NRG1: variants seen among roughly 807,000 people sequenced by gnomAD.
The protein encoded by NRG1 is neuregulin 1.
In NRG1, 18 loss-of-function variants were observed where a neutral mutation model predicts 63.8. The observed-to-expected ratio is 0.28, with a 90% CI of 0.19 to 0.42. NRG1 has a LOEUF of 0.42. NRG1 is among the 10% of genes least tolerant of loss of function. The probability of loss-of-function intolerance (pLI) is 1.00; values close to 1 mark genes in which losing one functional copy is unlikely to be tolerated. For synonymous variants in NRG1, 302 were observed against 301.3 expected, an observed-to-expected ratio of 1.00 and a Z score of -0.02; for missense variants, 762 against 814.7, an observed-to-expected ratio of 0.94 and a Z score of 0.79.
At chr8:32,728,102 C>T (rs1358911713) in intron 6 of NRG1, 24 bp downstream of exon 6, 5 of 1,613,250 alleles carry the variant, frequency 3.1e-6, no homozygotes, top group Non-Finnish European at 4.2e-6. Flanking sequence ...TCCTGTGTGT[C>T]GCTTATGTCT....
At chr8:31,684,781 A>C (rs114702227) in intron 1 of NRG1, among the ~76,000 whole-genome samples, 61 of 152,270 alleles carry the variant, frequency 4.0e-4, no homozygotes, top group African/African-American at 1.4e-3. Context: ...ATTTATTTTA[A>C]AGTTTGTTAG....
chr8:31,906,129 T>G (rs1306126078), intron 1 of NRG1, among the ~76,000 whole-genome samples: 1 of 152,212 alleles, frequency 6.6e-6, no homozygotes, highest in African/African-American at 2.4e-5. Flanking sequence ...AGGTCTCCCA[T>G]GTGACTGTCA....
chr8:32,757,797 A>G (rs955251084), intron 9 of NRG1, among the ~76,000 whole-genome samples: 2 of 152,112 alleles, frequency 1.3e-5, no homozygotes, highest in African/African-American at 2.4e-5. Context: ...TACTTCAGAG[A>G]CTCCTTGTGA....
intron 1 of NRG1, among the ~76,000 whole-genome samples, chr8:32,489,496 TG>T (rs1826293395): frequency 6.6e-6 from 1 of 152,140 alleles, no homozygotes; most frequent in African/African-American, 2.4e-5. Context: ...CTGACATTCC[TG>T]GTTAGGGCGG....
chr8:32,253,004 A>T (rs565459440), intron 1 of NRG1, among the ~76,000 whole-genome samples: 147 of 152,128 alleles, frequency 9.7e-4, no homozygotes, highest in South Asian at 9.1e-3. Flanking sequence ...TTTTTCTATT[A>T]TTGATGTATA....
intron 1 of NRG1, among the ~76,000 whole-genome samples, chr8:32,406,781 A>G (rs896641904): frequency 6.6e-6 from 1 of 151,962 alleles, no homozygotes; most frequent in African/African-American, 2.4e-5. Context: ...TTGCCTTGCT[A>G]GTGATAAGTA....
At chr8:32,174,990 C>T (rs560299508) in intron 1 of NRG1, among the ~76,000 whole-genome samples, 26 of 152,156 alleles carry the variant, frequency 1.7e-4, no homozygotes, top group Non-Finnish European at 3.1e-4. Flanking sequence ...ATGAGGCCAG[C>T]ACCATCCTGA....
intron 1 of NRG1, among the ~76,000 whole-genome samples, chr8:31,800,242 C>T (rs1176140581): frequency 6.6e-6 from 1 of 152,112 alleles, no homozygotes; most frequent in African/African-American, 2.4e-5. Context: ...GGAAAATATT[C>T]TAATATCCAC....
At chr8:32,727,335 A>G (rs1479811656) in intron 5 of NRG1, among the ~76,000 whole-genome samples, 1 of 152,212 alleles carries the variant, frequency 6.6e-6, no homozygotes, top group African/African-American at 2.4e-5. Flanking sequence ...TTGGACATTC[A>G]ACCATGTTCC....
At chr8:32,164,386 A>G (rs1179850448) in intron 1 of NRG1, among the ~76,000 whole-genome samples, 2 of 152,182 alleles carry the variant, frequency 1.3e-5, no homozygotes, top group Non-Finnish European at 2.9e-5. Context: ...ACACCAGCCA[A>G]TAGCTGCCTC....
chr8:31,854,197 C>T (rs963180383), intron 1 of NRG1, among the ~76,000 whole-genome samples: 11 of 151,484 alleles, frequency 7.3e-5, no homozygotes, highest in Non-Finnish European at 1.2e-4. Flanking sequence ...GTACCAGTTC[C>T]TCCTTGTACC....
At chr8:32,531,775 C>T (rs1356103627) in intron 1 of NRG1, among the ~76,000 whole-genome samples, 2 of 152,148 alleles carry the variant, frequency 1.3e-5, no homozygotes, top group Non-Finnish European at 2.9e-5. Flanking sequence ...AATAATACTT[C>T]TACCTCATAG....
chr8:32,197,941 G>T (rs1476623108), intron 1 of NRG1, among the ~76,000 whole-genome samples: 1 of 152,024 alleles, frequency 6.6e-6, no homozygotes. Flanking sequence ...CTGTACTCTA[G>T]ATCACTAAGC....
At chr8:32,024,004 T>C (rs1299407755) in intron 1 of NRG1, among the ~76,000 whole-genome samples, 2 of 152,136 alleles carry the variant, frequency 1.3e-5, no homozygotes, top group Admixed American at 1.3e-4. Context: ...CACTTAACAT[T>C]ATGCGGCCAA....
intron 1 of NRG1, among the ~76,000 whole-genome samples, chr8:31,899,772 A>C (rs1831920483): frequency 6.6e-6 from 1 of 152,206 alleles, no homozygotes; most frequent in Non-Finnish European, 1.5e-5. Context: ...ACACATACAC[A>C]CACTCAATAA....
chr8:31,646,874 G>A (rs1198452051), intron 1 of NRG1, among the ~76,000 whole-genome samples: 2 of 152,328 alleles, frequency 1.3e-5, no homozygotes, highest in South Asian at 2.1e-4. Flanking sequence ...CCCATCCAGA[G>A]CCTTACTGTA....
chr8:31,706,402 A>T (rs1218196774), intron 1 of NRG1, among the ~76,000 whole-genome samples: 1 of 151,490 alleles, frequency 6.6e-6, no homozygotes, highest in Admixed American at 6.6e-5. Flanking sequence ...ATTTTTTTAT[A>T]GCTGCATATC....
At chr8:32,530,342 T>C (rs1050286852) in intron 1 of NRG1, among the ~76,000 whole-genome samples, 3 of 151,976 alleles carry the variant, frequency 2.0e-5, no homozygotes, top group East Asian at 1.9e-4. Flanking sequence ...CTCCTGACCT[T>C]GTGATCCGCC....
chr8:32,027,773 G>A (rs1279320029), intron 1 of NRG1, among the ~76,000 whole-genome samples: 2 of 152,040 alleles, frequency 1.3e-5, no homozygotes, highest in African/African-American at 4.8e-5. Flanking sequence ...TTTTTTCTGT[G>A]CAATGGGAGA....
Sources: allele counts gnomAD v4.1 joint callset (sites outside exome capture counted in the v4.1 genomes callset), GRCh38; gene constraint gnomAD v4.1.1; transcripts MANE v1.5; gene names NCBI Gene and HGNC (gene_info 2026-07-23, HGNC 2026-07-21).